Variants in CREM observed in about 807,000 individuals in gnomAD.
CREM encodes cAMP-responsive element modulator.
In CREM, 13 loss-of-function variants were observed where a neutral mutation model predicts 37.3. That is an observed-to-expected ratio of 0.35 (90% CI 0.23 to 0.55). The LOEUF is 0.55. Among genes scored for constraint, CREM ranks in the 20% least tolerant of loss-of-function variants. The pLI is 0.88. For missense variants in CREM, 296 were observed against 362.3 expected (o/e 0.82, Z 1.49); for synonymous variants, 124 against 120.2 (o/e 1.03, Z -0.21).
chr10:35,133,925 T>G (rs2089933972), intron 1 of CREM, among the ~76,000 whole-genome samples: 1 of 152,258 alleles, frequency 6.6e-6, no homozygotes, highest in Non-Finnish European at 1.5e-5. Context: ...TATGGAGAGC[T>G]GGAAATTGGT....
intron 6 of CREM, chr10:35,201,568 A>T: frequency 1.3e-6 from 2 of 1,524,408 alleles, no homozygotes; most frequent in South Asian, 2.4e-5. Flanking sequence ...TTGCAAAGAG[A>T]GATATGTAGT....
At chr10:35,203,050 C>CT (rs2095423320) in intron 6 of CREM, among the ~76,000 whole-genome samples, 1 of 151,016 alleles carries the variant, frequency 6.6e-6, no homozygotes, top group South Asian at 2.1e-4. Context: ...TCTTTTTTTG[C>CT]TTTTTTCCTT....
At chr10:35,187,074 T>C (rs2094617648) in intron 5 of CREM, among the ~76,000 whole-genome samples, 1 of 58,824 alleles carries the variant, frequency 1.7e-5, no homozygotes, top group South Asian at 4.8e-4. Context: ...ATTAATATAA[T>C]AATATATATA....
chr10:35,149,486 T>C (rs192469505), intron 3 of CREM, among the ~76,000 whole-genome samples: 78 of 152,276 alleles, frequency 5.1e-4, no homozygotes, highest in African/African-American at 1.8e-3. Flanking sequence ...GTGCCCACCG[T>C]ATTTTCAGTT....
intron 1 of CREM, among the ~76,000 whole-genome samples, chr10:35,132,646 GT>G (rs1405581715): frequency 1.3e-5 from 2 of 152,148 alleles, no homozygotes; most frequent in African/African-American, 2.4e-5. Context: ...TTTTTTGAAA[GT>G]TACTGTTACT....
chr10:35,131,526 A>G (rs2089377031), intron 1 of CREM, among the ~76,000 whole-genome samples: 1 of 152,198 alleles, frequency 6.6e-6, no homozygotes, highest in African/African-American at 2.4e-5. Flanking sequence ...GAAAGTATCC[A>G]CTTTGGAATT....
intron 2 of CREM, among the ~76,000 whole-genome samples, chr10:35,138,172 G>A (rs1310728668): frequency 6.6e-6 from 1 of 152,360 alleles, no homozygotes; most frequent in Non-Finnish European, 1.5e-5. Flanking sequence ...TGTAGAATTC[G>A]AAGAATCCCC....
intron 3 of CREM, among the ~76,000 whole-genome samples, chr10:35,155,473 C>T (rs1306249321): frequency 6.6e-6 from 1 of 151,956 alleles, no homozygotes; most frequent in East Asian, 1.9e-4. Context: ...CTACAAACTA[C>T]ACTTAAACAG....
chr10:35,128,577 G>T (rs948330522), intron 1 of CREM, among the ~76,000 whole-genome samples: 9 of 146,990 alleles, frequency 6.1e-5, no homozygotes, highest in Non-Finnish European at 1.5e-5. Context: ...CCAGGCTGGA[G>T]TGCAGTGGTC....
intron 2 of CREM, among the ~76,000 whole-genome samples, chr10:35,142,328 G>C (rs1380814585): frequency 6.6e-6 from 1 of 152,178 alleles, no homozygotes; most frequent in Admixed American, 6.5e-5. Flanking sequence ...CCAAACAACA[G>C]ATACAGGTAT....
chr10:35,163,911 A>G (rs1464163410), intron 3 of CREM, among the ~76,000 whole-genome samples: 2 of 151,728 alleles, frequency 1.3e-5, no homozygotes, highest in Non-Finnish European at 2.9e-5. Context: ...CTGAGGTGGG[A>G]GGATCGCTTG....
chr10:35,141,647 A>T (rs554390094), intron 2 of CREM, among the ~76,000 whole-genome samples: 1 of 152,294 alleles, frequency 6.6e-6, no homozygotes, highest in African/African-American at 2.4e-5. Flanking sequence ...TGGAGATGTT[A>T]AACAGGGATT....
intron 6 of CREM, among the ~76,000 whole-genome samples, chr10:35,198,081 C>T (rs551675046): frequency 1.3e-5 from 2 of 152,178 alleles, no homozygotes; most frequent in African/African-American, 4.8e-5. Flanking sequence ...ATTCTTGACC[C>T]ATGAAATTTG....
intron 6 of CREM, among the ~76,000 whole-genome samples, chr10:35,203,872 T>C (rs1342622484): frequency 6.6e-6 from 1 of 152,148 alleles, no homozygotes; most frequent in African/African-American, 2.4e-5. Context: ...CACGTCTGTG[T>C]GAGCAGTGTT....
chr10:35,195,156 G>A, intron 6 of CREM: 1 of 1,612,164 alleles, frequency 6.2e-7, no homozygotes, highest in Non-Finnish European at 8.5e-7. Context: ...CTGTGGTAGA[G>A]GAAACAAGAC....
intron 6 of CREM, among the ~76,000 whole-genome samples, chr10:35,204,175 G>A (rs1417337348): frequency 2.0e-5 from 3 of 152,192 alleles, no homozygotes; most frequent in African/African-American, 4.8e-5. Context: ...CTGGCTTAAC[G>A]TGACCTTGTT....
At chr10:35,196,673 A>C (rs1369826700) in intron 6 of CREM, 1 of 152,218 alleles carries the variant, frequency 6.6e-6, no homozygotes, top group African/African-American at 2.4e-5. Context: ...ACATAGATGA[A>C]CTTAAAATCA....
At chr10:35,150,174 T>C (rs1213719744) in intron 3 of CREM, among the ~76,000 whole-genome samples, 1 of 152,130 alleles carries the variant, frequency 6.6e-6, no homozygotes, top group African/African-American at 2.4e-5. Context: ...TGCCCTTTGC[T>C]GAAGTTGTAG....
At chr10:35,175,874 A>G (rs780805085) in intron 3 of CREM, 3 of 1,565,670 alleles carry the variant, frequency 1.9e-6, no homozygotes, top group East Asian at 2.4e-5. Flanking sequence ...TGGATCAGGC[A>G]CCAGAAGAGG....
Sources: gnomAD v4.1 joint callset for allele counts (sites outside exome capture counted in the v4.1 genomes callset) on GRCh38, gnomAD v4.1.1 for gene constraint, MANE v1.5 for transcripts, NCBI Gene and HGNC (gene_info 2026-07-23, HGNC 2026-07-21) for gene names.